Variants in CEP128 observed in about 807,000 individuals in gnomAD.
CEP128 encodes the protein centrosomal protein 128kDa.
Under a neutral mutation model 156.7 loss-of-function variants are expected in CEP128, and 132 were observed. The ratio of observed to expected loss-of-function variants is 0.84; its 90% CI spans 0.73 to 0.97. The LOEUF is 0.97. Among genes scored for constraint, CEP128 ranks in the 50% least tolerant of loss-of-function variants. The probability of loss-of-function intolerance (pLI) is 0.00; values close to 1 mark genes in which losing one functional copy is unlikely to be tolerated. For synonymous variants in CEP128, 469 were observed against 448.9 expected (o/e 1.04, Z -0.57); for missense variants, 1,252 against 1,281.9 (o/e 0.98, Z 0.36).
chr14:80,633,125 G>A (rs1420274605), intron 19 of CEP128, among the ~76,000 whole-genome samples: 2 of 150,598 alleles, frequency 1.3e-5, no homozygotes, highest in African/African-American at 5.0e-5. Flanking sequence ...TATTCTGGAG[G>A]CTGAGGCAGG....
At chr14:80,817,791 G>A (rs1003486794) in intron 13 of CEP128, among the ~76,000 whole-genome samples, 1 of 151,886 alleles carries the variant, frequency 6.6e-6, no homozygotes, top group East Asian at 1.9e-4. Flanking sequence ...TGAGACAGGG[G>A]AATCACTTGA....
At chr14:80,769,112 AG>A (rs1175438063) in intron 16 of CEP128, among the ~76,000 whole-genome samples, 10 of 152,244 alleles carry the variant, frequency 6.6e-5, no homozygotes, top group Admixed American at 3.3e-4. Flanking sequence ...ACAAACAACT[AG>A]AGTTTCAAAT....
chr14:80,588,226 T>A (rs1891901946), intron 19 of CEP128, among the ~76,000 whole-genome samples: 1 of 152,130 alleles, frequency 6.6e-6, no homozygotes, highest in Non-Finnish European at 1.5e-5. Flanking sequence ...AGAAGTGGAA[T>A]AATGGTATGA....
intron 13 of CEP128, among the ~76,000 whole-genome samples, chr14:80,798,927 C>A (rs1378292202): frequency 2.6e-5 from 4 of 152,116 alleles, no homozygotes; most frequent in African/African-American, 9.7e-5. Context: ...AAATCTACCC[C>A]CAAATAAACC....
chr14:80,845,010 T>A (rs1370941568), intron 9 of CEP128, among the ~76,000 whole-genome samples: 1 of 152,138 alleles, frequency 6.6e-6, no homozygotes, highest in Non-Finnish European at 1.5e-5. Context: ...GTGGACACAA[T>A]CTTTACCCTA....
intron 19 of CEP128, among the ~76,000 whole-genome samples, chr14:80,690,199 C>T (rs1463605169): frequency 6.8e-6 from 1 of 146,216 alleles, no homozygotes; most frequent in Non-Finnish European, 1.5e-5. Context: ...CTGAGGTCAG[C>T]AGTTCGAGAC....
chr14:80,738,979 C>A (rs1028496660), intron 19 of CEP128, among the ~76,000 whole-genome samples: 26 of 152,160 alleles, frequency 1.7e-4, no homozygotes, highest in African/African-American at 6.3e-4. Flanking sequence ...AAGCTTTATG[C>A]TTTGGAAGCA....
At chr14:80,503,139 GTTAA>G (rs1887813129) in intron 24 of CEP128, among the ~76,000 whole-genome samples, 1 of 152,048 alleles carries the variant, frequency 6.6e-6, no homozygotes, top group Non-Finnish European at 1.5e-5. Context: ...GGATTAATCA[GTTAA>G]TTAATTTACT....
chr14:80,907,426 G>A (rs1883950369), intron 4 of CEP128, among the ~76,000 whole-genome samples: 1 of 152,078 alleles, frequency 6.6e-6, no homozygotes, highest in Non-Finnish European at 1.5e-5. Context: ...TTGGGAGGCT[G>A]AGGCGGCTGG....
intron 18 of CEP128, among the ~76,000 whole-genome samples, chr14:80,744,445 T>C (rs1898993981): frequency 6.6e-6 from 1 of 152,214 alleles, no homozygotes; most frequent in Non-Finnish European, 1.5e-5. Flanking sequence ...TATAGAGTTC[T>C]GTAGAAATGG....
chr14:80,481,955 A>G (rs1887062298), intron 14 of CEP128, among the ~76,000 whole-genome samples: 1 of 152,256 alleles, frequency 6.6e-6, no homozygotes, highest in South Asian at 2.1e-4. Context: ...CTTAATACCT[A>G]GGAACTTCTA....
At chr14:80,927,166 C>A (rs1487423794) in intron 2 of CEP128, among the ~76,000 whole-genome samples, 1 of 152,156 alleles carries the variant, frequency 6.6e-6, no homozygotes, top group Non-Finnish European at 1.5e-5. Context: ...GGGGCGTGTA[C>A]CACATTAAGA....
At chr14:80,893,937 TA>T (rs1889226089) in intron 8 of CEP128, among the ~76,000 whole-genome samples, 3 of 152,008 alleles carry the variant, frequency 2.0e-5, no homozygotes, top group Admixed American at 2.0e-4. Flanking sequence ...GTCCTTTTAA[TA>T]AATGGAAGTT....
intron 6 of CEP128, among the ~76,000 whole-genome samples, chr14:80,901,774 C>T (rs971728412): frequency 1.3e-5 from 2 of 152,210 alleles, no homozygotes; most frequent in African/African-American, 4.8e-5. Flanking sequence ...CTCCTTCTCT[C>T]CAGCTCCACC....
intron 6 of CEP128, among the ~76,000 whole-genome samples, chr14:80,902,091 A>C (rs1883599623): frequency 6.6e-6 from 1 of 152,142 alleles, no homozygotes; most frequent in African/African-American, 2.4e-5. Context: ...GCCCTCCTTA[A>C]CTGGGGCATG....
At chr14:80,525,834 G>A (rs563652530) in intron 23 of CEP128, among the ~76,000 whole-genome samples, 4 of 152,278 alleles carry the variant, frequency 2.6e-5, no homozygotes, top group Admixed American at 2.6e-4. Flanking sequence ...AATGAACACT[G>A]TCTTTATATC....
chr14:80,825,960 G>A (rs895786456), intron 13 of CEP128, among the ~76,000 whole-genome samples: 1 of 151,936 alleles, frequency 6.6e-6, no homozygotes, highest in Non-Finnish European at 1.5e-5. Context: ...ACAAAAATTA[G>A]CCAGGCCTGG....
chr14:80,877,271 T>C lies in CEP128; in HGVS notation c.646-14398A>G, dbSNP rs555582787. 7.4e-4 allele frequency among the ~76,000 whole-genome samples: 112 copies of C among 150,612 alleles called. 1 individual carries two copies. The highest frequency in any genetic ancestry group is 1.9e-3 in the South Asian group (9 of 4,682). On this transcript the variant is annotated intron_variant, in intron 8 of 24. Transcript: ENST00000555265. ...AAAAAATGGAAATATAGTAAGTGGGTCCAAGAGAAAGCAAATAGTAAGATG... is the reference window on the plus strand; with the variant it reads ...AAAAAATGGAAATATAGTAAGTGGGCCCAAGAGAAAGCAAATAGTAAGATG...
At chr14:80,582,525 T>C (rs1407411767) in intron 19 of CEP128, among the ~76,000 whole-genome samples, 3 of 151,976 alleles carry the variant, frequency 2.0e-5, no homozygotes, top group East Asian at 1.9e-4. Context: ...CCACTCAAGA[T>C]GAAACTTCAT....
Sources: gnomAD v4.1 joint callset for allele counts (sites outside exome capture counted in the v4.1 genomes callset) on GRCh38, gnomAD v4.1.1 for gene constraint, MANE v1.5 for transcripts, NCBI Gene and HGNC (gene_info 2026-07-23, HGNC 2026-07-21) for gene names.